The following MAP4K3 variants were observed in gnomAD, a reference collection of about 807,000 sequenced individuals.
MAP4K3 encodes the protein mitogen-activated protein kinase kinase kinase kinase 3.
Under a neutral mutation model 143.5 loss-of-function variants are expected in MAP4K3, and 94 were observed. The ratio of observed to expected loss-of-function variants is 0.65; its 90% CI spans 0.55 to 0.78. The LOEUF (loss-of-function observed/expected upper bound fraction) is 0.78. Among genes scored for constraint, MAP4K3 ranks in the 30% least tolerant of loss-of-function variants. The pLI is 0.00. For missense variants in MAP4K3, 1,077 were observed against 1,068.1 expected (o/e 1.01, Z -0.12); for synonymous variants, 416 against 347.2 (o/e 1.20, Z -2.20).
intron 13 of MAP4K3, among the ~76,000 whole-genome samples, chr2:39,311,673 G>T (rs1450781357): frequency 6.6e-6 from 1 of 152,164 alleles, no homozygotes; most frequent in East Asian, 1.9e-4. Context: ...TGAAGCCTCT[G>T]GCCAATAGTT....
chr2:39,423,228 C>T (rs1664948537), intron 1 of MAP4K3, among the ~76,000 whole-genome samples: 2 of 152,208 alleles, frequency 1.3e-5, no homozygotes, highest in African/African-American at 4.8e-5. Flanking sequence ...TAGCACTACA[C>T]ACCTATTAGA....
chr2:39,352,811 C>G (rs952390262), intron 3 of MAP4K3, among the ~76,000 whole-genome samples: 7 of 152,130 alleles, frequency 4.6e-5, no homozygotes, highest in African/African-American at 1.4e-4. Flanking sequence ...TAGGGTAAAT[C>G]TGATTCTCTG....
intron 4 of MAP4K3, among the ~76,000 whole-genome samples, chr2:39,339,949 A>C (rs1665092795): frequency 1.3e-5 from 2 of 152,326 alleles, no homozygotes; most frequent in Admixed American, 1.3e-4. Flanking sequence ...AATTAACCAT[A>C]AAGATATAAC....
chr2:39,277,390 G>T (rs1441854270), intron 24 of MAP4K3, among the ~76,000 whole-genome samples: 3 of 152,158 alleles, frequency 2.0e-5, no homozygotes, highest in Non-Finnish European at 4.4e-5. Context: ...AGGAGGTGCT[G>T]GTGACATCCA....
intron 32 of MAP4K3, among the ~76,000 whole-genome samples, chr2:39,253,722 C>T (rs1680238105): frequency 6.6e-6 from 1 of 152,200 alleles, no homozygotes; most frequent in Admixed American, 6.5e-5. Flanking sequence ...AATAAGCTTC[C>T]TTCCAAGTTA....
chr2:39,354,660 TCAAA>T (rs1387762034), intron 3 of MAP4K3, among the ~76,000 whole-genome samples: 1 of 148,594 alleles, frequency 6.7e-6, no homozygotes, highest in Non-Finnish European at 1.5e-5. Flanking sequence ...AGACTCTGTC[TCAAA>T]CAAACAAACA....
chr2:39,419,305 T>A (rs1667481748), intron 1 of MAP4K3, among the ~76,000 whole-genome samples: 1 of 152,148 alleles, frequency 6.6e-6, no homozygotes, highest in Non-Finnish European at 1.5e-5. Context: ...ATTTTTCTTC[T>A]AAAGCCCACC....
chr2:39,345,418 A>T (rs1665259988), intron 3 of MAP4K3, among the ~76,000 whole-genome samples: 1 of 152,116 alleles, frequency 6.6e-6, no homozygotes, highest in Admixed American at 6.5e-5. Flanking sequence ...TCTGAATCTT[A>T]AAGAAAACAA....
chr2:39,418,302 A>C (rs952724477), intron 1 of MAP4K3, among the ~76,000 whole-genome samples: 4 of 152,320 alleles, frequency 2.6e-5, no homozygotes, highest in African/African-American at 9.6e-5. Flanking sequence ...CTGGGCAACA[A>C]AATAAATCAT....
chr2:39,345,657 C>T (rs1180489271), intron 3 of MAP4K3, among the ~76,000 whole-genome samples: 3 of 151,976 alleles, frequency 2.0e-5, no homozygotes, highest in Admixed American at 6.6e-5. Flanking sequence ...CAGTGGCTCA[C>T]GCCTGTAATT....
At chr2:39,295,114 A>C (rs1448793101) in intron 16 of MAP4K3, among the ~76,000 whole-genome samples, 3 of 151,646 alleles carry the variant, frequency 2.0e-5, no homozygotes, top group African/African-American at 7.3e-5. Flanking sequence ...TATTTTTTTC[A>C]TAAAAAAATG....
At chr2:39,279,111 A>G (rs1156981268) in intron 23 of MAP4K3, among the ~76,000 whole-genome samples, 1 of 152,228 alleles carries the variant, frequency 6.6e-6, no homozygotes. Context: ...GAAAGAAAGG[A>G]AAGAACACTT....
intron 2 of MAP4K3, among the ~76,000 whole-genome samples, chr2:39,366,636 G>C (rs1342157089): frequency 6.6e-6 from 1 of 152,112 alleles, no homozygotes; most frequent in African/African-American, 2.4e-5. Flanking sequence ...CCCAGTGGAG[G>C]GGTTCGTTTA....
At chr2:39,322,760 C>A (rs1683353986) in intron 12 of MAP4K3, among the ~76,000 whole-genome samples, 1 of 151,178 alleles carries the variant, frequency 6.6e-6, no homozygotes. Flanking sequence ...ACCTCTGCCT[C>A]CCAGGTTCAA....
rs1432976160 is a variant in MAP4K3 at position 39,250,627 on chromosome 2, G to A, written c.2676C>T (p.Asn892=). 1 of 1,613,616 alleles carries A rather than the reference G, an allele frequency of 6.2e-7. No homozygotes were observed. The highest frequency in any genetic ancestry group is 1.1e-5 in the South Asian group (1 of 91,018). Residue 892 remains asparagine, a synonymous_variant, in exon 34 of 34, where the codon AAC becomes AAT. Transcript: ENST00000263881. Reference sequence around the variant, plus strand: ...CAAAGCACAACAATTCTCAGTAACTGTTTTCATGACCCGCCAGGATGTACA... The same window carrying A: ...CAAAGCACAACAATTCTCAGTAACTATTTTCATGACCCGCCAGGATGTACA... The part of the protein sequence containing the change: ...SNLYILAGHE[N]SY
chr2:39,311,863 G>A (rs1465585081), intron 13 of MAP4K3, among the ~76,000 whole-genome samples: 1 of 152,172 alleles, frequency 6.6e-6, no homozygotes, highest in East Asian at 1.9e-4. Flanking sequence ...TGTTTAATAT[G>A]AGCAGATATA....
intron 1 of MAP4K3, among the ~76,000 whole-genome samples, chr2:39,412,053 G>A (rs1014656636): frequency 1.3e-5 from 2 of 152,230 alleles, no homozygotes; most frequent in Non-Finnish European, 2.9e-5. Flanking sequence ...AGTGTGTTCT[G>A]TGGAATTGGA....
chr2:39,339,366 A>G (rs1233621451), intron 4 of MAP4K3, among the ~76,000 whole-genome samples: 1 of 152,256 alleles, frequency 6.6e-6, no homozygotes, highest in African/African-American at 2.4e-5. Context: ...CCCTGAAAAT[A>G]ACACTTGGAA....
chr2:39,287,134 T>C (rs1296747925), intron 20 of MAP4K3, among the ~76,000 whole-genome samples, 170 bp from the exon 21 acceptor site: 1 of 152,246 alleles, frequency 6.6e-6, no homozygotes, highest in Admixed American at 6.5e-5. Flanking sequence ...TATATATATG[T>C]TCTTCTATTT....
Sources: allele counts gnomAD v4.1 joint callset (sites outside exome capture counted in the v4.1 genomes callset), GRCh38; gene constraint gnomAD v4.1.1; transcripts MANE v1.5; gene names NCBI Gene and HGNC (gene_info 2026-07-23, HGNC 2026-07-21).